Variants in VASH1 observed in about 807,000 individuals in gnomAD.
VASH1 encodes the protein tubulinyl-Tyr carboxypeptidase 1.
A neutral mutation model predicts 35.0 loss-of-function variants in VASH1; 16 were observed. That is an observed-to-expected ratio of 0.46 (90% CI 0.31 to 0.70). The LOEUF is 0.70. Among genes scored for constraint, VASH1 ranks in the 30% least tolerant of loss-of-function variants. The pLI, the probability that VASH1 is intolerant of heterozygous loss-of-function variation, is 0.05. For missense variants in VASH1, 505 were observed against 510.7 expected (o/e 0.99, Z 0.11); for synonymous variants, 214 against 200.9 (o/e 1.07, Z -0.55).
chr14:76,782,404 G>A lies in VASH1; in HGVS notation c.*3386G>A, dbSNP rs1894136100. ...CTGGGACTTGACTTCCCAGGTCAAG[G>A]AGTCCGTCTCATTCTGGCTGGTCGA... On this transcript the variant is annotated 3_prime_UTR_variant, in exon 7 of 7. Transcript: ENST00000167106. 1 of 152,276 alleles carries A rather than the reference G, an allele frequency of 6.6e-6. No homozygotes were observed. Among genetic ancestry groups the A allele is most frequent in the African/African-American group, 2.4e-5 (1 of 41,452 alleles). 9.4% of individuals were successfully genotyped at this position (152,276 alleles called of 1,614,324 possible).
Position 76,762,259 on chromosome 14 carries a change from C to T in VASH1, c.-563C>T. The T allele has an allele frequency of 6.6e-6, 1 of 152,294 alleles. No homozygotes were observed. Among genetic ancestry groups the T allele is most frequent in the East Asian group, 1.9e-4 (1 of 5,198 alleles). The allele number at this position is 152,294 out of a possible 1,614,324, so 9.4% of individuals were successfully genotyped here. ...CGTCGGAGAAATCGCCCCCCAGCGC[C>T]GCTCTCCCGCCCGGGGGTCTTGGTT... On this transcript the variant is annotated 5_prime_UTR_variant, in exon 1 of 7. Coordinates refer to ENST00000167106, the MANE Select transcript of VASH1 (RefSeq NM_014909.5).
intron 4 of VASH1, among the ~76,000 whole-genome samples, chr14:76,775,681 G>T (rs1471886172): frequency 6.6e-6 from 1 of 152,160 alleles, no homozygotes. Flanking sequence ...CCTATTCGAG[G>T]TTCCCTTTAT....
At chr14:76,765,382 C>T (rs1197538491) in intron 1 of VASH1, among the ~76,000 whole-genome samples, 3 of 152,162 alleles carry the variant, frequency 2.0e-5, no homozygotes, top group Non-Finnish European at 4.4e-5. Context: ...TTTGAACCTC[C>T]CCCTCTTCAA....
intron 1 of VASH1, chr14:76,769,249 A>C (rs2140177648): frequency 7.9e-7 from 1 of 1,264,504 alleles, no homozygotes; most frequent in Non-Finnish European, 1.0e-6. Flanking sequence ...CGTTCTGGGG[A>C]GGAAGACTGT....
intron 1 of VASH1, among the ~76,000 whole-genome samples, chr14:76,768,377 A>G (rs1027425582): frequency 2.0e-5 from 3 of 152,184 alleles, no homozygotes; most frequent in African/African-American, 4.8e-5. Context: ...CAGAGACGTC[A>G]GCGGCTCAGG....
chr14:76,778,876 C>A, intron 6 of VASH1, 70 bp from the exon 7 acceptor site: 1 of 1,479,944 alleles, frequency 6.8e-7, no homozygotes, highest in Non-Finnish European at 9.4e-7. Flanking sequence ...GCAGCCGCTG[C>A]TGGCTCCCCA....
At chr14:76,769,772 A>C in intron 1 of VASH1, 191 bp from the exon 2 acceptor site, 1 of 647,172 alleles carries the variant, frequency 1.5e-6, no homozygotes, top group Non-Finnish European at 2.6e-6. Flanking sequence ...GAGGGAAGGA[A>C]TGGCTGGGCT....
At chr14:76,778,835 C>A in intron 6 of VASH1, 111 bp from the exon 7 acceptor site, 1 of 1,050,082 alleles carries the variant, frequency 9.5e-7, no homozygotes, top group Non-Finnish European at 1.5e-6. Flanking sequence ...GTTGGAGGGC[C>A]ACTTGGAGAA....
chr14:76,779,663 G>T lies in VASH1; in HGVS notation c.*645G>T. 1 of 604,924 alleles carries T rather than the reference G, an allele frequency of 1.7e-6. No individual in the cohort carries two copies. The highest frequency in any genetic ancestry group is 2.9e-6 in the Non-Finnish European group (1 of 339,492). 37.5% of individuals were successfully genotyped at this position (604,924 alleles called of 1,614,324 possible). A position where few individuals can be genotyped will look rare whatever the true frequency, so the allele number is the denominator to read the frequency against. On this transcript the variant is annotated 3_prime_UTR_variant, in exon 7 of 7. Coordinates refer to ENST00000167106, the MANE Select transcript of VASH1 (RefSeq NM_014909.5). Reference sequence around the variant, plus strand: ...CCTTGAGGCCCCCATGGGCAGTGCTGTGTGGGCAGAGGAGGGGTGATATGA... The same window carrying T: ...CCTTGAGGCCCCCATGGGCAGTGCTTTGTGGGCAGAGGAGGGGTGATATGA...
chr14:76,766,804 G>C (rs1229488196), intron 1 of VASH1, among the ~76,000 whole-genome samples: 1 of 152,202 alleles, frequency 6.6e-6, no homozygotes, highest in Non-Finnish European at 1.5e-5. Flanking sequence ...CACTGATAAT[G>C]ATGACAGTGA....
At position 76,779,512 on chromosome 14, in the gene VASH1, C is replaced by T. The variant is rs1894044078; in HGVS notation, c.*494C>T. The T allele has an allele frequency of 2.9e-6, 2 of 701,444 alleles. No individual in the cohort carries two copies. Among genetic ancestry groups the T allele is most frequent in the Non-Finnish European group, 5.2e-6 (2 of 384,398 alleles). 43.5% of individuals were successfully genotyped at this position (701,444 alleles called of 1,614,324 possible). A position where few individuals can be genotyped will look rare whatever the true frequency, so the allele number is the denominator to read the frequency against. On this transcript the variant is annotated 3_prime_UTR_variant, in exon 7 of 7. Coordinates refer to ENST00000167106, the MANE Select transcript of VASH1 (RefSeq NM_014909.5). ...CTGCCTGCCCTGGCAGAATCTTGAC[C>T]CAGGGAAAGGGAAGCAGGGTAGGAG...
chr14:76,765,736 G>GAACA (rs1465272086), intron 1 of VASH1, among the ~76,000 whole-genome samples: 1 of 152,198 alleles, frequency 6.6e-6, no homozygotes, highest in Non-Finnish European at 1.5e-5. Context: ...GAAGACTTGG[G>GAACA]AACACATGGG....
intron 1 of VASH1, among the ~76,000 whole-genome samples, chr14:76,768,305 G>A (rs2140176389): frequency 6.6e-6 from 1 of 152,340 alleles, no homozygotes; most frequent in Non-Finnish European, 1.5e-5. Context: ...GCTGGTGACT[G>A]TAAGTGGTGG....
At chr14:76,768,569 C>G (rs1893705863) in intron 1 of VASH1, among the ~76,000 whole-genome samples, 1 of 152,174 alleles carries the variant, frequency 6.6e-6, no homozygotes, top group Non-Finnish European at 1.5e-5. Context: ...GTGCCATCAG[C>G]AACACCCCAG....
In VASH1 at chr14:76,779,512, C is replaced by A; in HGVS notation, c.*494C>A. Reference sequence around the variant, plus strand: ...CTGCCTGCCCTGGCAGAATCTTGACCCAGGGAAAGGGAAGCAGGGTAGGAG... The same window carrying A: ...CTGCCTGCCCTGGCAGAATCTTGACACAGGGAAAGGGAAGCAGGGTAGGAG... On this transcript the variant is annotated 3_prime_UTR_variant, in exon 7 of 7. Transcript: ENST00000167106. 1.4e-6 allele frequency: 1 copy of A among 701,562 alleles called. No homozygotes were observed. Among genetic ancestry groups the A allele is most frequent in the South Asian group, 1.5e-5 (1 of 67,508 alleles). 43.5% of individuals were successfully genotyped at this position (701,562 alleles called of 1,614,324 possible).
At chr14:76,771,149 C>T (rs1893784604) in intron 2 of VASH1, 41 bp from the exon 3 acceptor site, 3 of 1,513,832 alleles carry the variant, frequency 2.0e-6, no homozygotes, top group Non-Finnish European at 1.8e-6. Flanking sequence ...GGGTCAACCT[C>T]CTTCAGGCCA....
chr14:76,773,752 C>G (rs986273436), intron 4 of VASH1: 2 of 155,046 alleles, frequency 1.3e-5, no homozygotes, highest in Non-Finnish European at 2.8e-5. Context: ...AGACCAGCCA[C>G]CAGGAGAGGC....
At chr14:76,764,842 C>T (rs1043805486) in intron 1 of VASH1, among the ~76,000 whole-genome samples, 10 of 152,078 alleles carry the variant, frequency 6.6e-5, no homozygotes, top group Non-Finnish European at 1.5e-4. Context: ...CCTACCACCA[C>T]ACCTGGCTAA....
chr14:76,776,001 C>G lies in VASH1; in HGVS notation c.640C>G (p.Arg214Gly). ...HIVLGVNFAGRYGALGMSRRE... is the reference protein window; with the variant it reads ...HIVLGVNFAGGYGALGMSRRE... ...CGTGCTGGGGGTGAACTTCGCGGGC[C>G]GCTACGGTGCGCTGGGCATGAGTCG... Residue 214 changes from arginine (R) to glycine (G), a missense_variant, in exon 5 of 7, where the codon CGC becomes GGC. Transcript: ENST00000167106. 5 of 1,613,042 alleles carry G rather than the reference C, an allele frequency of 3.1e-6. No individual in the cohort carries two copies. Among genetic ancestry groups the G allele is most frequent in the Non-Finnish European group, 2.5e-6 (3 of 1,179,842 alleles).
Sources: gnomAD v4.1 joint callset for allele counts (sites outside exome capture counted in the v4.1 genomes callset) on GRCh38, gnomAD v4.1.1 for gene constraint, MANE v1.5 for transcripts, NCBI Gene and HGNC (gene_info 2026-07-23, HGNC 2026-07-21) for gene names.